CGNL1: variants seen among roughly 807,000 people sequenced by gnomAD.
CGNL1 encodes cingulin like 1.
Under a neutral mutation model 141.2 loss-of-function variants are expected in CGNL1, and 132 were observed. The observed-to-expected ratio is 0.93, with a 90% CI of 0.81 to 1.08. The LOEUF (loss-of-function observed/expected upper bound fraction) is 1.08. CGNL1 is among the 50% of genes least tolerant of loss of function. The pLI, the probability that CGNL1 is intolerant of heterozygous loss-of-function variation, is 0.00. For synonymous variants in CGNL1, 690 were observed against 622.1 expected (o/e 1.11, Z -1.63); for missense variants, 1,870 against 1,588.6 (o/e 1.18, Z -3.01).
intron 8 of CGNL1, among the ~76,000 whole-genome samples, chr15:57,495,951 C>T (rs938079355): frequency 7.9e-4 from 120 of 152,052 alleles, no homozygotes; most frequent in African/African-American, 2.9e-3. Flanking sequence ...TCCAGAAGGC[C>T]AAGAATGTCT....
intron 1 of CGNL1, among the ~76,000 whole-genome samples, chr15:57,395,383 AT>A (rs1465942459): frequency 1.3e-5 from 2 of 152,200 alleles, no homozygotes; most frequent in African/African-American, 2.4e-5. Context: ...AATAATCCCA[AT>A]GTGTGACTCC....
At chr15:57,513,873 C>T (rs1294131478) in intron 8 of CGNL1, among the ~76,000 whole-genome samples, 1 of 152,096 alleles carries the variant, frequency 6.6e-6, no homozygotes, top group African/African-American at 2.4e-5. Context: ...TTGCTAGGTC[C>T]TACCGTAACT....
chr15:57,382,034 T>C (rs2062430731), intron 1 of CGNL1, among the ~76,000 whole-genome samples: 1 of 152,166 alleles, frequency 6.6e-6, no homozygotes. Context: ...CTGTAGATAA[T>C]TGGTTGTTGG....
chr15:57,401,979 A>G (rs2062665409), intron 1 of CGNL1: 1 of 152,130 alleles, frequency 6.6e-6, no homozygotes, highest in Admixed American at 6.5e-5. Context: ...CTGTCCTTCT[A>G]CATACTGCTT....
At chr15:57,470,256 C>CTCTT (rs758575367) in intron 8 of CGNL1, among the ~76,000 whole-genome samples, 6 of 113,956 alleles carry the variant, frequency 5.3e-5, no homozygotes, top group Admixed American at 1.0e-4. Flanking sequence ...TTTTGTCTCT[C>CTCTT]TTTTTTTTTT....
At position 57,381,226 on chromosome 15, in the gene CGNL1, A is replaced by G. The variant is rs141016741; in HGVS notation, c.-16+4659A>G. ...TGGCAGTGACCTCATTTTACATATG[A>G]GGAAACTGAGGCCCAAGGAGGTGCT... On this transcript the variant is annotated intron_variant, in intron 1 of 18. Coordinates refer to ENST00000281282, the MANE Select transcript of CGNL1 (RefSeq NM_032866.5). 3.3e-4 allele frequency among the ~76,000 whole-genome samples: 50 copies of G among 152,252 alleles called. No homozygotes were observed. In the East Asian group the frequency reaches 9.1e-3, roughly 28 times the overall value.
intron 1 of CGNL1, among the ~76,000 whole-genome samples, chr15:57,401,351 C>G (rs2062658546): frequency 6.6e-6 from 1 of 152,148 alleles, no homozygotes; most frequent in South Asian, 2.1e-4. Flanking sequence ...GCCAGTGCGC[C>G]CAGCTGCTTT....
intron 1 of CGNL1, among the ~76,000 whole-genome samples, chr15:57,414,836 C>T (rs925222834): frequency 6.6e-6 from 1 of 152,178 alleles, no homozygotes; most frequent in Non-Finnish European, 1.5e-5. Context: ...ATGATTCCAG[C>T]CTGCTGATCT....
At chr15:57,380,127 G>T (rs937675431) in intron 1 of CGNL1, among the ~76,000 whole-genome samples, 1 of 152,130 alleles carries the variant, frequency 6.6e-6, no homozygotes, top group Non-Finnish European at 1.5e-5. Context: ...CCGCCTCCCG[G>T]GTTAAAGCAA....
At chr15:57,475,079 C>G (rs1460495939) in intron 8 of CGNL1, among the ~76,000 whole-genome samples, 1 of 152,210 alleles carries the variant, frequency 6.6e-6, no homozygotes, top group Non-Finnish European at 1.5e-5. Flanking sequence ...CTCACAGTTG[C>G]TGCCCTGGTT....
At chr15:57,414,474 T>C (rs2062826752) in intron 1 of CGNL1, among the ~76,000 whole-genome samples, 1 of 152,190 alleles carries the variant, frequency 6.6e-6, no homozygotes, top group South Asian at 2.1e-4. Flanking sequence ...GGAACAGTAC[T>C]TGTGTGAAGA....
chr15:57,437,740 C>T (rs1444573575), intron 1 of CGNL1, among the ~76,000 whole-genome samples: 1 of 151,654 alleles, frequency 6.6e-6, no homozygotes, highest in Non-Finnish European at 1.5e-5. Context: ...TGTCTGCCCT[C>T]AGGCCAGGGT....
intron 8 of CGNL1, among the ~76,000 whole-genome samples, chr15:57,467,549 A>G (rs1400516498): frequency 2.6e-5 from 4 of 152,184 alleles, no homozygotes; most frequent in East Asian, 1.9e-4. Context: ...TCGGATCCCA[A>G]CTGAAACAAA....
At chr15:57,386,736 G>A (rs2152223563) in intron 1 of CGNL1, among the ~76,000 whole-genome samples, 1 of 152,292 alleles carries the variant, frequency 6.6e-6, no homozygotes, top group Non-Finnish European at 1.5e-5. Context: ...ATGGGTGCGA[G>A]GCTTCAGCGA....
chr15:57,544,350 G>A, intron 15 of CGNL1, 123 bp from the exon 16 acceptor site: 1 of 1,207,008 alleles, frequency 8.3e-7, no homozygotes, highest in South Asian at 1.5e-5. Context: ...CACAGGCCCT[G>A]GTGTGGAAAG....
intron 1 of CGNL1, among the ~76,000 whole-genome samples, chr15:57,425,636 G>T (rs1271572373): frequency 1.3e-5 from 2 of 151,850 alleles, no homozygotes; most frequent in African/African-American, 2.4e-5. Flanking sequence ...AGCTACTTGG[G>T]AGGCTGAGGT....
At position 57,489,645 on chromosome 15, in the gene CGNL1, A is replaced by G. The variant is rs368927053; in HGVS notation, c.2404-27135A>G. On this transcript the variant is annotated intron_variant, in intron 8 of 18. Transcript: ENST00000281282. ...TTTGCATGTAGATATTAGTTGTCCC[A>G]TCACTGTTGGTTGAAGAGACGATTC... Among the ~76,000 whole-genome samples, 4 of 152,336 alleles carry G rather than the reference A, an allele frequency of 2.6e-5. No homozygotes were observed. The East Asian group carries it at 5.8e-4, about 22-fold the overall frequency.
intron 8 of CGNL1, among the ~76,000 whole-genome samples, chr15:57,494,387 G>A (rs2063907688): frequency 6.6e-6 from 1 of 152,146 alleles, no homozygotes; most frequent in Non-Finnish European, 1.5e-5. Context: ...CTGTGGTTCT[G>A]TTGAAATCCA....
chr15:57,528,289 C>G (rs560460726), intron 12 of CGNL1, among the ~76,000 whole-genome samples: 3 of 152,040 alleles, frequency 2.0e-5, no homozygotes, highest in Non-Finnish European at 4.4e-5. Context: ...CTATATCTTG[C>G]AACCCAGGAA....
Sources: gnomAD v4.1 joint callset for allele counts (sites outside exome capture counted in the v4.1 genomes callset) on GRCh38, gnomAD v4.1.1 for gene constraint, MANE v1.5 for transcripts, NCBI Gene and HGNC (gene_info 2026-07-23, HGNC 2026-07-21) for gene names.